The following PLPP1 variants were observed in gnomAD, a reference collection of about 807,000 sequenced individuals.
PLPP1 encodes the protein phospholipid phosphatase 1, also known as lipid phosphate phosphohydrolase 1a.
Under a neutral mutation model 31.2 loss-of-function variants are expected in PLPP1, and 24 were observed. That is an observed-to-expected ratio of 0.77 (90% CI 0.56 to 1.08). PLPP1 has a LOEUF of 1.08. Ranked by LOEUF, PLPP1 falls within the 50% of genes least tolerant of loss-of-function variation. The pLI is 0.00. For synonymous variants in PLPP1, 146 were observed against 126.3 expected, an observed-to-expected ratio of 1.16 and a Z score of -1.05; for missense variants, 319 against 342.7, an observed-to-expected ratio of 0.93 and a Z score of 0.55.
At chr5:55,441,778 G>A in intron 4 of PLPP1, 73 bp downstream of exon 4, 3 of 1,465,798 alleles carry the variant, frequency 2.0e-6, no homozygotes, top group Non-Finnish European at 2.9e-6. Context: ...TAGGACAGGT[G>A]AGGACACTGA....
At chr5:55,481,143 C>T (rs761777822) in intron 1 of PLPP1, among the ~76,000 whole-genome samples, 12 of 152,180 alleles carry the variant, frequency 7.9e-5, no homozygotes, top group Non-Finnish European at 1.6e-4. Context: ...CACACCACAT[C>T]TTCTTTAACT....
intron 2 of PLPP1, among the ~76,000 whole-genome samples, chr5:55,471,806 T>C (rs1057059838): frequency 1.3e-5 from 2 of 152,186 alleles, no homozygotes; most frequent in Non-Finnish European, 2.9e-5. Context: ...AGTTAATGAA[T>C]AAAATTGAAT....
intron 3 of PLPP1, among the ~76,000 whole-genome samples, chr5:55,443,212 T>TATATATATATATATATATATATATAC (rs1169152710): frequency 9.5e-5 from 10 of 104,984 alleles, no homozygotes; most frequent in Non-Finnish European, 1.8e-4. Context: ...TATATATATA[T>TATATATATATATATATATATATATAC]ACACACACAC....
At chr5:55,450,784 T>C (rs1278937195) in intron 3 of PLPP1, among the ~76,000 whole-genome samples, 1 of 152,118 alleles carries the variant, frequency 6.6e-6, no homozygotes, top group Non-Finnish European at 1.5e-5. Context: ...AAACGAACGA[T>C]ACACTGTGCG....
In PLPP1 at chr5:55,424,857, G is replaced by C. The variant is rs1751125504; in HGVS notation, c.*349C>G. 1 of 941,214 alleles carries C rather than the reference G, an allele frequency of 1.1e-6. No homozygotes were observed. The highest frequency in any genetic ancestry group is 1.6e-5 in the African/African-American group (1 of 61,150). 58.3% of individuals were successfully genotyped at this position (941,214 alleles called of 1,614,324 possible). On this transcript the variant is annotated 3_prime_UTR_variant, in exon 6 of 6. Transcript: ENST00000307259. ...TACAAATGCCTGCAAGTGTGGATTT[G>C]GTTCTCCCATACATTTTAATATGTA...
chr5:55,471,944 G>A (rs1490210899), intron 2 of PLPP1, among the ~76,000 whole-genome samples: 1 of 122,416 alleles, frequency 8.2e-6, no homozygotes, highest in Non-Finnish European at 1.7e-5. Context: ...AACACAGAGA[G>A]ATAGTTATCT....
At chr5:55,497,019 A>C (rs1240500026) in intron 1 of PLPP1, among the ~76,000 whole-genome samples, 2 of 152,180 alleles carry the variant, frequency 1.3e-5, no homozygotes, top group Non-Finnish European at 2.9e-5. Context: ...AATAAAAATC[A>C]AGTTATTAAA....
intron 3 of PLPP1, among the ~76,000 whole-genome samples, chr5:55,455,358 G>A (rs1050183981): frequency 6.6e-6 from 1 of 152,140 alleles, no homozygotes; most frequent in Non-Finnish European, 1.5e-5. Context: ...GTAGGACACC[G>A]AGGCAGGCAG....
Position 55,473,997 on chromosome 5 carries a change from G to GTTTTTGTTT in PLPP1, c.210+1301_210+1302insAAACAAAAA, listed in dbSNP as rs1554039230. On this transcript the variant is annotated intron_variant, in intron 2 of 5. Coordinates refer to ENST00000307259, the MANE Select transcript of PLPP1 (RefSeq NM_003711.4). ...TTTCTGGTTTTTTTGTTTGTTTGTT[G>GTTTTTGTTT]TTTTTTTTTTTTTTTTCCAGACGGA... 2.1e-3 allele frequency among the ~76,000 whole-genome samples: 59 copies of GTTTTTGTTT among 28,080 alleles called. 1 individual carries two copies. Among genetic ancestry groups the GTTTTTGTTT allele is most frequent in the African/African-American group, 4.7e-3 (52 of 10,976 alleles). 18.4% of individuals were successfully genotyped at this position (28,080 alleles called of 152,430 possible). A position where few individuals can be genotyped will look rare whatever the true frequency, so the allele number is the denominator to read the frequency against.
intron 1 of PLPP1, among the ~76,000 whole-genome samples, chr5:55,497,272 G>T (rs1169967006): frequency 6.6e-6 from 1 of 152,096 alleles, no homozygotes; most frequent in Admixed American, 6.6e-5. Flanking sequence ...AAGAGACTGG[G>T]TCTTACTCTG....
chr5:55,485,083 A>G (rs1752748508), intron 1 of PLPP1: 1 of 152,202 alleles, frequency 6.6e-6, no homozygotes, highest in African/African-American at 2.4e-5. Flanking sequence ...AATCATAAGT[A>G]AAATGATTTC....
intron 1 of PLPP1, among the ~76,000 whole-genome samples, chr5:55,493,396 A>C (rs541331197): frequency 2.0e-5 from 3 of 151,972 alleles, no homozygotes; most frequent in Non-Finnish European, 4.4e-5. Context: ...TGAATTCTGC[A>C]ATTCTATGGT....
chr5:55,445,324 A>C (rs1751735999), intron 3 of PLPP1, among the ~76,000 whole-genome samples: 2 of 152,078 alleles, frequency 1.3e-5, no homozygotes, highest in Non-Finnish European at 2.9e-5. Flanking sequence ...ATCAGCATCA[A>C]AAGCAATCAA....
chr5:55,509,543 G>C (rs1469459721), intron 1 of PLPP1, among the ~76,000 whole-genome samples: 1 of 152,032 alleles, frequency 6.6e-6, no homozygotes, highest in African/African-American at 2.4e-5. Context: ...TGGGATATAG[G>C]ATATAAGTGA....
intron 1 of PLPP1, among the ~76,000 whole-genome samples, chr5:55,522,586 G>A (rs1753693888): frequency 6.6e-6 from 1 of 152,072 alleles, no homozygotes; most frequent in Non-Finnish European, 1.5e-5. Flanking sequence ...TTAGACAGCA[G>A]ATATACTCAA....
intron 1 of PLPP1, among the ~76,000 whole-genome samples, chr5:55,481,363 T>C (rs2111826871): frequency 6.6e-6 from 1 of 152,336 alleles, no homozygotes; most frequent in South Asian, 2.1e-4. Context: ...GCACCATGGA[T>C]ATATTGTTCC....
At chr5:55,512,168 T>G (rs1753429510) in intron 1 of PLPP1, among the ~76,000 whole-genome samples, 1 of 151,694 alleles carries the variant, frequency 6.6e-6, no homozygotes, top group Non-Finnish European at 1.5e-5. Flanking sequence ...GGAATCAGAA[T>G]ATTTTTTAAG....
At chr5:55,500,189 C>T (rs1198970512) in intron 1 of PLPP1, among the ~76,000 whole-genome samples, 1 of 151,230 alleles carries the variant, frequency 6.6e-6, no homozygotes, top group East Asian at 1.9e-4. Context: ...ACACCATTCT[C>T]CTACCTCAGC....
At chr5:55,490,639 G>A (rs963374226) in intron 1 of PLPP1, among the ~76,000 whole-genome samples, 1 of 152,116 alleles carries the variant, frequency 6.6e-6, no homozygotes, top group Non-Finnish European at 1.5e-5. Flanking sequence ...AGCTTACTGG[G>A]CTTTAACAAG....
Sources: allele counts gnomAD v4.1 joint callset (sites outside exome capture counted in the v4.1 genomes callset), GRCh38; gene constraint gnomAD v4.1.1; transcripts MANE v1.5; gene names NCBI Gene and HGNC (gene_info 2026-07-23, HGNC 2026-07-21).